Variants in ZC3H4 observed in about 807,000 individuals in gnomAD.
The protein encoded by ZC3H4 is zinc finger CCCH domain-containing protein 4.
ZC3H4 carries 13 observed loss-of-function variants against 108.3 expected under a neutral mutation model. The ratio of observed to expected loss-of-function variants is 0.12; its 90% CI spans 0.08 to 0.19. The LOEUF is 0.19. Ranked by LOEUF, ZC3H4 falls within the 10% of genes least tolerant of loss-of-function variation. The pLI, the probability that ZC3H4 is intolerant of heterozygous loss-of-function variation, is 1.00. For synonymous variants in ZC3H4, 917 were observed against 749.6 expected, an observed-to-expected ratio of 1.22 and a Z score of -3.65; for missense variants, 1,734 against 1,838.8, an observed-to-expected ratio of 0.94 and a Z score of 1.04.
chr19:47,078,676 A>C (rs1490784148), intron 11 of ZC3H4, among the ~76,000 whole-genome samples: 3 of 152,066 alleles, frequency 2.0e-5, no homozygotes, highest in Non-Finnish European at 4.4e-5. Flanking sequence ...CCTGGCCAAC[A>C]GGGTGAAACC....
rs773004945 is a variant in ZC3H4, at chr19:47,066,473, C to T, written c.3795G>A (p.Thr1265=). 42 of 1,582,128 alleles carry T rather than the reference C, an allele frequency of 2.7e-5. No individual in the cohort carries two copies. Among genetic ancestry groups the T allele is most frequent in the African/African-American group, 9.4e-5 (7 of 74,454 alleles). The stretch of plus-strand genomic sequence containing the variant: ...TCCCAGCAAATGGGCTTCCTGAGCC[C>T]GTCTTGGGTGTCTGCTTCACCGTCC... ...LFGTVKQTPK[T]GSGSPFAGNS... The change falls in exon 15 of 15, where the codon ACG becomes ACA. Residue 1265 remains threonine, a synonymous_variant. Transcript: ENST00000253048.
intron 4 of ZC3H4, among the ~76,000 whole-genome samples, chr19:47,092,203 T>C (rs182993738): frequency 3.6e-4 from 55 of 152,094 alleles, no homozygotes; most frequent in Admixed American, 1.0e-3. Context: ...AGATCCCATC[T>C]CAATAAACAA....
intron 4 of ZC3H4, among the ~76,000 whole-genome samples, chr19:47,092,412 A>G (rs2057748832): frequency 6.6e-6 from 1 of 152,182 alleles, no homozygotes; most frequent in African/African-American, 2.4e-5. Flanking sequence ...CCAAACCTAC[A>G]CCAGTAGATC....
chr19:47,089,000 G>A (rs987832458), intron 5 of ZC3H4, among the ~76,000 whole-genome samples: 1 of 151,912 alleles, frequency 6.6e-6, no homozygotes. Flanking sequence ...GAGGTCACGA[G>A]ATCGAGACCA....
intron 5 of ZC3H4, 54 bp from the exon 6 acceptor site, chr19:47,086,592 G>T: frequency 6.6e-7 from 1 of 1,515,368 alleles, no homozygotes; most frequent in African/African-American, 1.4e-5. Context: ...CCACCAGCAA[G>T]AAAGAAGACA....
rs184909867 is a variant in ZC3H4 at position 47,093,036 on chromosome 19, G to A, written c.492+934C>T. ...TGGAGACCATCCTGGCTAAGACGGT[G>A]AAATCCTGTCTCTACTAAAAACACA... is the stretch of plus-strand genomic sequence containing the variant. On this transcript the variant is annotated intron_variant, in intron 4 of 14. Transcript: ENST00000253048. Among the ~76,000 whole-genome samples the A allele has an allele frequency of 5.9e-5, 9 of 151,830 alleles. No individual in the cohort carries two copies. The East Asian group carries it at 1.6e-3, about 26-fold the overall frequency.
At position 47,072,228 on chromosome 19, in the gene ZC3H4, C is replaced by A. The variant is rs1022163584; in HGVS notation, c.1803-107G>T. 7.9e-6 allele frequency: 11 copies of A among 1,392,838 alleles called. No homozygotes were observed. The African/African-American group carries it at 1.3e-4, about 17-fold the overall frequency. 86.3% of individuals were successfully genotyped at this position (1,392,838 alleles called of 1,614,324 possible). A position where few individuals can be genotyped will look rare whatever the true frequency, so the allele number is the denominator to read the frequency against. On this transcript the variant is annotated intron_variant, in intron 12 of 14. Transcript: ENST00000253048. The surrounding 1 kb of genome is among the most constrained non-coding windows in gnomAD (Gnocchi z 5.6). ...AGAGCCGAAGGTCATGGGCCCCAGA[C>A]CAGGACTCCCACAGCTGGGGAGAGA...
intron 2 of ZC3H4, among the ~76,000 whole-genome samples, chr19:47,104,666 G>C (rs964171955): frequency 1.3e-5 from 2 of 152,228 alleles, no homozygotes; most frequent in African/African-American, 2.4e-5. Context: ...TGGATGCACA[G>C]ACTGAACAGA....
At chr19:47,088,407 G>A (rs1037010310) in intron 5 of ZC3H4, among the ~76,000 whole-genome samples, 2 of 151,990 alleles carry the variant, frequency 1.3e-5, no homozygotes, top group African/African-American at 4.8e-5. Context: ...AAAAAGCCGG[G>A]CATGGTGGTA....
In ZC3H4 at chr19:47,072,510, A is replaced by C. The variant is rs945115044; in HGVS notation, c.1644T>G (p.Pro548=). 49 of 88,862 alleles carry C rather than the reference A, an allele frequency of 5.5e-4. No individual in the cohort carries two copies. The highest frequency in any genetic ancestry group is 7.1e-4 in the African/African-American group (2 of 2,832). 5.5% of individuals were successfully genotyped at this position (88,862 alleles called of 1,614,324 possible). Residue 548 remains proline (P), a synonymous_variant, in exon 12 of 15, where the codon CCT becomes CCG. Coordinates refer to ENST00000253048, the MANE Select transcript of ZC3H4 (RefSeq NM_015168.2). This position sits in a 1 kb window ranked among gnomAD's most constrained non-coding sequence, Gnocchi z 5.6. Reference sequence around the variant, plus strand: ...TCTGAGGGGGCCCGGGCGGTGGGGGAGGGGGAGGGGGCGGGGGCGGGGGGC... The same window carrying C: ...TCTGAGGGGGCCCGGGCGGTGGGGGCGGGGGAGGGGGCGGGGGCGGGGGGC... ...QGGPPPPPPP[P]PPPPGPPQMP...
Position 47,082,267 on chromosome 19 carries a change from A to C in ZC3H4, c.1247T>G (p.Ile416Ser). 6.2e-7 allele frequency: 1 copy of C among 1,614,048 alleles called. No individual in the cohort carries two copies. Among genetic ancestry groups the C allele is most frequent in the Non-Finnish European group, 8.5e-7 (1 of 1,179,926 alleles). Residue 416 changes from isoleucine (I) to serine (S), a missense_variant, in exon 10 of 15, where the codon ATC becomes AGC. This residue lies in a region of ZC3H4 where 66 missense variants were observed against 166.8 expected (regional missense o/e 0.40). Coordinates refer to ENST00000253048, the MANE Select transcript of ZC3H4 (RefSeq NM_015168.2). Reference sequence around the variant, plus strand: ...CAGTTCTCGCTTCTTTGGGAGTTCGATGTCATGGCTAAAATTACAGTGGTC... The same window carrying C: ...CAGTTCTCGCTTCTTTGGGAGTTCGCTGTCATGGCTAAAATTACAGTGGTC... Reference protein sequence around the residue: ...WGDHCNFSHDIELPKKRELCK... With the variant: ...WGDHCNFSHDSELPKKRELCK...
At chr19:47,106,510 C>T (rs1483300468) in intron 2 of ZC3H4, among the ~76,000 whole-genome samples, 1 of 152,192 alleles carries the variant, frequency 6.6e-6, no homozygotes, top group African/African-American at 2.4e-5. Context: ...CTTTCTGGGA[C>T]AACTGACAGG....
intron 2 of ZC3H4, among the ~76,000 whole-genome samples, chr19:47,103,905 C>G (rs1490696856): frequency 6.7e-6 from 1 of 150,108 alleles, no homozygotes; most frequent in Non-Finnish European, 1.5e-5. Flanking sequence ...AATCGTGCCA[C>G]TGCACTCCGG....
At chr19:47,083,261 C>T (rs2057556303) in intron 9 of ZC3H4, among the ~76,000 whole-genome samples, 1 of 149,344 alleles carries the variant, frequency 6.7e-6, no homozygotes, top group Admixed American at 6.7e-5. Flanking sequence ...GAGATCACAC[C>T]ACTGCACTCC....
intron 6 of ZC3H4, 142 bp from the exon 7 acceptor site, chr19:47,085,556 C>G (rs1325138067): frequency 2.8e-6 from 2 of 707,192 alleles, no homozygotes; most frequent in Non-Finnish European, 4.5e-6. Flanking sequence ...AGCCTGACGA[C>G]AGGTGGTCCC....
chr19:47,067,704 G>T lies in ZC3H4; in HGVS notation c.2564C>A (p.Thr855Lys), dbSNP rs756284468. The change falls in exon 15 of 15, where the codon ACA becomes AAA. Residue 855 changes from threonine to lysine, a missense_variant. Physicochemically the swap from Thr to Lys is moderately conservative, Grantham distance 78 (BLOSUM62 -1). Coordinates refer to ENST00000253048, the MANE Select transcript of ZC3H4 (RefSeq NM_015168.2). This position sits in a 1 kb window ranked among gnomAD's most constrained non-coding sequence, Gnocchi z 6.4. ...GDPRLQKGHP[T>K]GSRLADPRLS... is the part of the protein sequence containing the mutation. ...GCGAGGGTCAGCCAGCCGGCTTCCT[G>T]TGGGGTGTCCCTTCTGGAGGCGGGG... The T allele has an allele frequency of 4.4e-6, 7 of 1,604,776 alleles. No homozygotes were observed. The African/African-American group carries it at 8.0e-5, about 18-fold the overall frequency.
At position 47,066,240 on chromosome 19, in the gene ZC3H4, G is replaced by C; in HGVS notation, c.*116C>G. On this transcript the variant is annotated 3_prime_UTR_variant, in exon 15 of 15. Transcript: ENST00000253048. ...AAAGAGACGGAAAGCAAAAGAAAAA[G>C]AAAAGAAAAAAGGAACACCCAGCCT... is the stretch of plus-strand genomic sequence containing the variant. The C allele has an allele frequency of 1.3e-6, 1 of 764,110 alleles. No individual in the cohort carries two copies. Among genetic ancestry groups the C allele is most frequent in the Non-Finnish European group, 1.9e-6 (1 of 519,982 alleles). The allele number at this position is 764,110 out of a possible 1,614,324, so 47.3% of individuals were successfully genotyped here.
At chr19:47,110,890 C>T (rs1331621603) in intron 2 of ZC3H4, 7 of 984,730 alleles carry the variant, frequency 7.1e-6, no homozygotes, top group Non-Finnish European at 8.4e-6. Context: ...GTTGTAAAAG[C>T]TCACCAAACT....
chr19:47,085,455 G>A (rs1161254376), intron 6 of ZC3H4, 41 bp from the exon 7 acceptor site: 3 of 1,511,200 alleles, frequency 2.0e-6, no homozygotes, highest in Non-Finnish European at 8.9e-7. Context: ...CGTCAGGTAG[G>A]GAACAATGAA....
Sources: gnomAD v4.1 joint callset for allele counts (sites outside exome capture counted in the v4.1 genomes callset) on GRCh38, gnomAD v4.1.1 for gene constraint, gnomAD v4.1.1 regional missense constraint, Gnocchi (gnomAD v3.1) non-coding constraint, MANE v1.5 for transcripts, NCBI Gene and HGNC (gene_info 2026-07-23, HGNC 2026-07-21) for gene names.